Variants in OSBPL6 observed in about 807,000 individuals in gnomAD.
OSBPL6 encodes oxysterol-binding protein-related protein 6.
OSBPL6 carries 49 observed loss-of-function variants against 125.8 expected under a neutral mutation model. That is an observed-to-expected ratio of 0.39 (90% CI 0.31 to 0.49). The LOEUF (loss-of-function observed/expected upper bound fraction) is 0.49, where lower values mean the gene tolerates loss of function less well. Ranked by LOEUF, OSBPL6 falls within the 20% of genes least tolerant of loss-of-function variation. The probability of loss-of-function intolerance (pLI) is 0.88; values close to 1 mark genes in which losing one functional copy is unlikely to be tolerated. For missense variants in OSBPL6, 986 were observed against 1,135.4 expected, an observed-to-expected ratio of 0.87 and a Z score of 1.89; for synonymous variants, 394 against 391.8, an observed-to-expected ratio of 1.01 and a Z score of -0.07.
At chr2:178,326,946 C>A (rs1461004708) in intron 4 of OSBPL6, among the ~76,000 whole-genome samples, 1 of 151,486 alleles carries the variant, frequency 6.6e-6, no homozygotes, top group Non-Finnish European at 1.5e-5. Flanking sequence ...AGAAAAAAAA[C>A]ACTGTGATAG....
chr2:178,306,263 T>TCTA lies in OSBPL6; in HGVS notation c.80_81insTAC (p.Ser27_Ser28insThr), dbSNP rs1559225251. ...CCATAGAAGTGCCTCCTCTTCAACA[T>TCTA]CCTCCCAAAGGGACAGTAGGCAGGT... On this transcript the variant is annotated inframe_insertion, in exon 3 of 25. Coordinates refer to ENST00000190611, the MANE Select transcript of OSBPL6 (RefSeq NM_032523.4). 6.2e-7 allele frequency: 1 copy of TCTA among 1,612,984 alleles called. No homozygotes were observed. The highest frequency in any genetic ancestry group is 1.7e-5 in the Admixed American group (1 of 60,010).
At chr2:178,387,510 T>G (rs1241820440) in intron 20 of OSBPL6, among the ~76,000 whole-genome samples, 1 of 152,214 alleles carries the variant, frequency 6.6e-6, no homozygotes, top group African/African-American at 2.4e-5. Flanking sequence ...CAAAGAAGAG[T>G]GATGAAATCC....
intron 4 of OSBPL6, among the ~76,000 whole-genome samples, chr2:178,324,829 G>A (rs1388548805): frequency 1.3e-5 from 2 of 152,186 alleles, no homozygotes; most frequent in Admixed American, 6.5e-5. Context: ...TTATAGCAGA[G>A]CAAGAATTCA....
chr2:178,278,212 C>T (rs2092509595), intron 1 of OSBPL6, among the ~76,000 whole-genome samples: 1 of 152,184 alleles, frequency 6.6e-6, no homozygotes, highest in African/African-American at 2.4e-5. Context: ...TCCCACCCAG[C>T]CCACAAACGC....
At chr2:178,256,656 A>G (rs745677619) in intron 1 of OSBPL6, among the ~76,000 whole-genome samples, 29 of 152,208 alleles carry the variant, frequency 1.9e-4, no homozygotes, top group Non-Finnish European at 3.8e-4. Context: ...GCCAATTCTT[A>G]AGAAGTTCTG....
chr2:178,392,659 C>T (rs1340496006), intron 23 of OSBPL6, 121 bp downstream of exon 23: 1 of 1,271,646 alleles, frequency 7.9e-7, no homozygotes, highest in Non-Finnish European at 1.1e-6. Flanking sequence ...AATTCAAGAC[C>T]AGCCTGGACA....
intron 10 of OSBPL6, 91 bp from the exon 11 acceptor site, chr2:178,339,581 C>G (rs772237687): frequency 8.8e-6 from 9 of 1,020,074 alleles, no homozygotes; most frequent in Non-Finnish European, 1.2e-5. Flanking sequence ...TAACAATGAC[C>G]TTTAGTAACT....
At chr2:178,314,055 G>A (rs182975564) in intron 3 of OSBPL6, among the ~76,000 whole-genome samples, 11 of 152,276 alleles carry the variant, frequency 7.2e-5, no homozygotes, top group Admixed American at 2.0e-4. Flanking sequence ...CAGCATATAC[G>A]TGAACTGAAT....
intron 12 of OSBPL6, among the ~76,000 whole-genome samples, chr2:178,356,134 C>T (rs1691765837): frequency 6.6e-6 from 1 of 152,100 alleles, no homozygotes; most frequent in Non-Finnish European, 1.5e-5. Context: ...CAATATCATA[C>T]TGAATGGGCA....
chr2:178,286,163 C>A (rs1054652182), intron 2 of OSBPL6, among the ~76,000 whole-genome samples: 2 of 152,200 alleles, frequency 1.3e-5, no homozygotes, highest in Non-Finnish European at 2.9e-5. Flanking sequence ...TAATTGCCAA[C>A]ATTTGAAAAT....
chr2:178,344,328 C>A, intron 11 of OSBPL6: 3 of 1,614,094 alleles, frequency 1.9e-6, no homozygotes, highest in Non-Finnish European at 2.5e-6. Context: ...AACTCGGCGC[C>A]GGCAGAGGCT....
Position 178,395,809 on chromosome 2 carries a change from G to A in OSBPL6, c.*250G>A, listed in dbSNP as rs772057341. ...AAAAAAAAAAAAAAAAATCCACACC[G>A]TCCTTGGAAAGCAGAATAAAAGGAG... On this transcript the variant is annotated 3_prime_UTR_variant, in exon 25 of 25. Transcript: ENST00000190611. The A allele has an allele frequency of 6.0e-5, 25 of 416,002 alleles. No individual in the cohort carries two copies. Among genetic ancestry groups the A allele is most frequent in the Non-Finnish European group, 8.9e-5 (20 of 224,742 alleles). 25.8% of individuals were successfully genotyped at this position (416,002 alleles called of 1,614,324 possible).
At chr2:178,389,420 G>A (rs1474997223) in intron 21 of OSBPL6, among the ~76,000 whole-genome samples, 1 of 152,208 alleles carries the variant, frequency 6.6e-6, no homozygotes, top group African/African-American at 2.4e-5. Flanking sequence ...TAGCCAGTCA[G>A]TTGTTCACTA....
At chr2:178,299,954 A>G (rs1159142928) in intron 2 of OSBPL6, among the ~76,000 whole-genome samples, 1 of 152,232 alleles carries the variant, frequency 6.6e-6, no homozygotes, top group Non-Finnish European at 1.5e-5. Context: ...ACTTGCATCT[A>G]GGATTTTCTA....
intron 1 of OSBPL6, among the ~76,000 whole-genome samples, chr2:178,219,387 C>A (rs1321308183): frequency 6.6e-6 from 1 of 152,164 alleles, no homozygotes; most frequent in Non-Finnish European, 1.5e-5. Context: ...GTTTCCAGAT[C>A]CCAAGGTGAA....
intron 10 of OSBPL6, 57 bp from the exon 11 acceptor site, chr2:178,339,615 T>A: frequency 1.4e-6 from 2 of 1,396,838 alleles, no homozygotes; most frequent in South Asian, 2.9e-5. Flanking sequence ...TCTATATCTG[T>A]ATCATCTGTG....
intron 13 of OSBPL6, among the ~76,000 whole-genome samples, chr2:178,362,922 C>T (rs1265118616): frequency 6.6e-6 from 1 of 152,168 alleles, no homozygotes; most frequent in African/African-American, 2.4e-5. Flanking sequence ...TTTAGAAGAA[C>T]ATTTTAATGG....
At chr2:178,394,250 T>G (rs1695660923) in intron 23 of OSBPL6, 63 bp from the exon 24 acceptor site, 7 of 1,576,842 alleles carry the variant, frequency 4.4e-6, no homozygotes, top group Non-Finnish European at 5.2e-6. Flanking sequence ...TTTGTGCAAA[T>G]GAGGTTTTTT....
At chr2:178,254,581 A>G (rs1220027017) in intron 1 of OSBPL6, among the ~76,000 whole-genome samples, 2 of 152,224 alleles carry the variant, frequency 1.3e-5, no homozygotes, top group African/African-American at 2.4e-5. Flanking sequence ...TTGACATTCA[A>G]ATTTAGCTAG....
Sources: gnomAD v4.1 joint callset for allele counts (sites outside exome capture counted in the v4.1 genomes callset) on GRCh38, gnomAD v4.1.1 for gene constraint, MANE v1.5 for transcripts, NCBI Gene and HGNC (gene_info 2026-07-23, HGNC 2026-07-21) for gene names.